The following FAP variants were observed in gnomAD, a reference collection of about 807,000 sequenced individuals.
FAP encodes fibroblast activation protein alpha.
A neutral mutation model predicts 126.5 loss-of-function variants in FAP; 110 were observed. That is an observed-to-expected ratio of 0.87 (90% CI 0.74 to 1.02). The LOEUF (loss-of-function observed/expected upper bound fraction) is 1.02. FAP is among the 50% of genes least tolerant of loss of function. FAP has a pLI of 0.00. For missense variants in FAP, 919 were observed against 909.2 expected, an observed-to-expected ratio of 1.01 and a Z score of -0.14; for synonymous variants, 334 against 297.3, an observed-to-expected ratio of 1.12 and a Z score of -1.27.
chr2:162,198,826 T>C lies in FAP; in HGVS notation c.1333A>G (p.Lys445Glu). ...SKKCVTCHLR[K>E]ERCQYYTASF... ...GCTGTGTAATATTGGCACCTTTCTTTCCTTAGATGGCAAGTAACACACTTC... is the reference window on the plus strand; with the variant it reads ...GCTGTGTAATATTGGCACCTTTCTTCCCTTAGATGGCAAGTAACACACTTC... The change falls in exon 16 of 26, where the codon AAA (lysine) becomes GAA (glutamate). Residue 445 changes from lysine (K) to glutamate (E), a missense_variant. Transcript: ENST00000188790. 6.2e-7 allele frequency: 1 copy of C among 1,613,938 alleles called. No homozygotes were observed. Among genetic ancestry groups the C allele is most frequent in the Non-Finnish European group, 8.5e-7 (1 of 1,179,804 alleles).
At chr2:162,241,908 A>AT (rs907819494) in intron 2 of FAP, among the ~76,000 whole-genome samples, 1 of 152,144 alleles carries the variant, frequency 6.6e-6, no homozygotes, top group African/African-American at 2.4e-5. Flanking sequence ...TCTCATGATT[A>AT]TTTTTAATTT....
At chr2:162,199,793 C>T (rs1414790596) in intron 15 of FAP, among the ~76,000 whole-genome samples, 3 of 152,164 alleles carry the variant, frequency 2.0e-5, no homozygotes, top group Non-Finnish European at 4.4e-5. Flanking sequence ...GATCACGATC[C>T]AGGAGGGAAC....
In FAP at chr2:162,243,330, T is replaced by G; in HGVS notation, c.-3A>C. The G allele has an allele frequency of 6.2e-7, 1 of 1,610,458 alleles. No homozygotes were observed. Among genetic ancestry groups the G allele is most frequent in the Non-Finnish European group, 8.5e-7 (1 of 1,177,992 alleles). ...AGGTTGCTTATACTAACCTTCATTT[T>G]TCCAGATGTTTTTGAAAGTTAGCTA... On this transcript the variant is annotated 5_prime_UTR_variant, in exon 1 of 26. Coordinates refer to ENST00000188790, the MANE Select transcript of FAP (RefSeq NM_004460.5).
intron 7 of FAP, among the ~76,000 whole-genome samples, 154 bp from the exon 8 acceptor site, chr2:162,219,337 A>C (rs1689289095): frequency 1.3e-5 from 2 of 152,190 alleles, no homozygotes; most frequent in African/African-American, 2.4e-5. Context: ...AAAAAATCCA[A>C]CCAACTCACA....
At chr2:162,214,341 G>T (rs1689084764) in intron 10 of FAP, among the ~76,000 whole-genome samples, 1 of 151,906 alleles carries the variant, frequency 6.6e-6, no homozygotes. Flanking sequence ...TTTTAGAAAA[G>T]AATTTAAAAC....
intron 11 of FAP, among the ~76,000 whole-genome samples, chr2:162,212,921 T>C (rs1689002414): frequency 6.6e-6 from 1 of 152,214 alleles, no homozygotes; most frequent in African/African-American, 2.4e-5. Flanking sequence ...GTTTGAGTAA[T>C]AGAAACAATT....
At chr2:162,214,263 A>G (rs1056466138) in intron 10 of FAP, among the ~76,000 whole-genome samples, 190 bp from the exon 11 acceptor site, 4 of 152,192 alleles carry the variant, frequency 2.6e-5, no homozygotes, top group African/African-American at 4.8e-5. Flanking sequence ...AAAAATATCT[A>G]TGAGAGTTTC....
intron 11 of FAP, among the ~76,000 whole-genome samples, chr2:162,213,420 CA>C (rs1689037798): frequency 6.8e-6 from 1 of 148,144 alleles, no homozygotes; most frequent in Admixed American, 6.7e-5. Flanking sequence ...AAACAAAAAA[CA>C]AACAAAAAAA....
chr2:162,194,843 G>A, intron 16 of FAP, 95 bp from the exon 17 acceptor site: 2 of 1,038,308 alleles, frequency 1.9e-6, no homozygotes, highest in Non-Finnish European at 3.0e-6. Context: ...TTAGTGTCAA[G>A]TGCCAGTACA....
At chr2:162,191,060 C>T (rs1225319142) in intron 17 of FAP, among the ~76,000 whole-genome samples, 1 of 151,898 alleles carries the variant, frequency 6.6e-6, no homozygotes, top group Non-Finnish European at 1.5e-5. Context: ...TAGAGCCAAC[C>T]CTTCATTCTT....
chr2:162,171,519 G>A, intron 25 of FAP: 1 of 165,634 alleles, frequency 6.0e-6, no homozygotes, highest in Non-Finnish European at 1.3e-5. Context: ...CCTCTCTGTT[G>A]CAGAAAATCC....
chr2:162,226,579 T>C lies in FAP; in HGVS notation c.134A>G (p.Lys45Arg). The change falls in exon 3 of 26, where the codon AAG becomes AGG. Residue 45 changes from lysine (K) to arginine (R), a missense_variant. Coordinates refer to ENST00000188790, the MANE Select transcript of FAP (RefSeq NM_004460.5). ...EENTMRALTL[K>R]DILNGTFSYK... ...AGAAAATGTTCCATTTAAAATATCC[T>C]TCAGTGTGAGTGCTCTCATTGTATT... The C allele has an allele frequency of 1.9e-6, 3 of 1,600,888 alleles. No individual in the cohort carries two copies. The highest frequency in any genetic ancestry group is 2.6e-6 in the Non-Finnish European group (3 of 1,172,430).
chr2:162,188,790 T>C (rs1366309552), intron 19 of FAP, among the ~76,000 whole-genome samples: 1 of 152,108 alleles, frequency 6.6e-6, no homozygotes, highest in Non-Finnish European at 1.5e-5. Context: ...TTACATAAGA[T>C]GTGAAGATGA....
intron 11 of FAP, among the ~76,000 whole-genome samples, chr2:162,211,447 A>G (rs530267654): frequency 6.6e-6 from 1 of 152,304 alleles, no homozygotes; most frequent in Non-Finnish European, 1.5e-5. Flanking sequence ...TTGCAAATAC[A>G]TTAACTTGGA....
At chr2:162,234,971 G>C (rs1306249823) in intron 2 of FAP, among the ~76,000 whole-genome samples, 2 of 152,146 alleles carry the variant, frequency 1.3e-5, no homozygotes, top group African/African-American at 2.4e-5. Context: ...GGCAGTGAGG[G>C]ACTTAGCACC....
Position 162,223,631 on chromosome 2 carries a change from A to G in FAP, c.390T>C (p.Tyr130=), listed in dbSNP as rs763202759. 46 of 1,608,994 alleles carry G rather than the reference A, an allele frequency of 2.9e-5. No individual in the cohort carries two copies. The highest frequency in any genetic ancestry group is 3.7e-5 in the Non-Finnish European group (44 of 1,175,692). The change falls in exon 6 of 26, where the codon TAT becomes TAC. Residue 130 remains tyrosine, a synonymous_variant. Transcript: ENST00000188790. Reference sequence around the variant, plus strand: ...ACCCATTGCTAAGGTCATAGATGTAATATGTTGCTGTGTAAGAGTATCTCC... The same window carrying G: ...ACCCATTGCTAAGGTCATAGATGTAGTATGTTGCTGTGTAAGAGTATCTCC... ...KLWRYSYTAT[Y]YIYDLSNGEF... is the part of the protein sequence containing the mutation.
rs143593673 is a variant in FAP at position 162,189,489 on chromosome 2, A to T, written c.1549+167T>A. Among the ~76,000 whole-genome samples the T allele has an allele frequency of 8.8e-3, 1,340 of 152,112 alleles. 17 individuals carry two copies. The highest frequency in any genetic ancestry group is 0.01 in the Non-Finnish European group (703 of 67,906). On this transcript the variant is annotated intron_variant, in intron 18 of 25. Transcript: ENST00000188790. ...AACCATGTTCACAAACATATTAAAG[A>T]TATTTAGTAAAACTAAGAATTGTTA...
chr2:162,208,209 T>C (rs1314788439), intron 12 of FAP, among the ~76,000 whole-genome samples: 1 of 149,814 alleles, frequency 6.7e-6, no homozygotes, highest in African/African-American at 2.5e-5. Flanking sequence ...TGAGCCGAGA[T>C]CGCGCCACTG....
chr2:162,226,152 T>A (rs1302450105), intron 3 of FAP, among the ~76,000 whole-genome samples: 1 of 152,128 alleles, frequency 6.6e-6, no homozygotes, highest in African/African-American at 2.4e-5. Context: ...CAGATTGAGA[T>A]TTGTCTGTTT....
Sources: allele counts gnomAD v4.1 joint callset (sites outside exome capture counted in the v4.1 genomes callset), GRCh38; gene constraint gnomAD v4.1.1; transcripts MANE v1.5; gene names NCBI Gene and HGNC (gene_info 2026-07-23, HGNC 2026-07-21).